NFKB1: variants seen among roughly 807,000 people sequenced by gnomAD.
NFKB1 encodes the protein nuclear factor NF-kappa-B p105 subunit.
In NFKB1, 9 loss-of-function variants were observed where a neutral mutation model predicts 105.1. That is an observed-to-expected ratio of 0.09 (90% CI 0.05 to 0.15). NFKB1 has a LOEUF of 0.15. NFKB1 is among the 10% of genes least tolerant of loss of function. The probability of loss-of-function intolerance (pLI) is 1.00; values close to 1 mark genes in which losing one functional copy is unlikely to be tolerated. For missense variants in NFKB1, 830 were observed against 1,203.7 expected (o/e 0.69, Z 4.59); for synonymous variants, 440 against 442.2 (o/e 1.00, Z 0.06).
At chr4:102,607,533 C>A in intron 18 of NFKB1, 116 bp from the exon 19 acceptor site, 3 of 1,222,912 alleles carry the variant, frequency 2.5e-6, no homozygotes, top group South Asian at 1.3e-5. Context: ...ACAGAGCCAG[C>A]CCAAAGTAGC....
intron 8 of NFKB1, 103 bp from the exon 9 acceptor site, chr4:102,580,432 C>T: frequency 1.2e-6 from 1 of 831,998 alleles, no homozygotes; most frequent in Non-Finnish European, 2.0e-6. Context: ...TGTATTTAAG[C>T]TTTGTTTTGG....
chr4:102,577,762 C>G (rs1256777489), intron 7 of NFKB1: 1 of 937,476 alleles, frequency 1.1e-6, no homozygotes, highest in African/African-American at 1.8e-5. Context: ...CCCTCCTCGC[C>G]TGTGCTGCGA....
chr4:102,521,110 GACAT>G (rs567607966), intron 1 of NFKB1, among the ~76,000 whole-genome samples: 121 of 152,186 alleles, frequency 8.0e-4, no homozygotes, highest in African/African-American at 2.8e-3. Context: ...GTTATCAAAG[GACAT>G]ACAGATTATT....
chr4:102,613,354 C>T (rs1728615426), intron 22 of NFKB1, 71 bp from the exon 23 acceptor site: 1 of 1,510,896 alleles, frequency 6.6e-7, no homozygotes, highest in South Asian at 1.2e-5. Context: ...GAAGGGTGGG[C>T]TGTCAGTGCT....
intron 5 of NFKB1, among the ~76,000 whole-genome samples, chr4:102,564,638 G>A (rs1723711740): frequency 1.3e-5 from 2 of 152,200 alleles, no homozygotes; most frequent in Non-Finnish European, 2.9e-5. Context: ...GTAGTAATAT[G>A]AAAAATACAT....
At chr4:102,526,042 G>A (rs575162782) in intron 2 of NFKB1, among the ~76,000 whole-genome samples, 2 of 152,148 alleles carry the variant, frequency 1.3e-5, no homozygotes, top group African/African-American at 2.4e-5. Context: ...TGTCACGTGC[G>A]CTTCTTCCCG....
intron 2 of NFKB1, among the ~76,000 whole-genome samples, chr4:102,526,263 A>G (rs144934039): frequency 6.6e-6 from 1 of 152,220 alleles, no homozygotes; most frequent in African/African-American, 2.4e-5. Flanking sequence ...TTAACCCACT[A>G]CAGCCCCTTG....
Position 102,599,883 on chromosome 4 carries a change from T to C in NFKB1, c.1638-1012T>C, listed in dbSNP as rs187111324. ...AAAATGATTGTTATTGTTATTGTTT[T>C]GAATTTTAATAGTATGTTTTTTAAT... is the stretch of plus-strand genomic sequence containing the variant. On this transcript the variant is annotated intron_variant, in intron 15 of 23. Transcript: ENST00000226574. Among the ~76,000 whole-genome samples, 49 of 152,382 alleles carry C rather than the reference T, an allele frequency of 3.2e-4. 1 individual carries two copies. The East Asian group carries it at 9.1e-3, about 28-fold the overall frequency.
chr4:102,514,172 C>T (rs898936268), intron 1 of NFKB1, among the ~76,000 whole-genome samples: 3 of 150,132 alleles, frequency 2.0e-5, no homozygotes, highest in Non-Finnish European at 4.4e-5. Flanking sequence ...GAGACTCCAT[C>T]TCAAAAAAAA....
chr4:102,613,555 C>T lies in NFKB1; in HGVS notation c.2723C>T (p.Ser908Leu), dbSNP rs369577304. Residue 908 changes from serine to leucine, a missense_variant, in exon 23 of 24, where the codon TCG becomes TTG. Transcript: ENST00000226574. ...TTSQAHSLPLSPASTRQQIDE... is the reference protein window; with the variant it reads ...TTSQAHSLPLLPASTRQQIDE... ...TCTCAGGCCCACTCGCTGCCTCTCT[C>T]GCCTGCCTCCACAAGGCAGCAAATA... 12 of 1,613,452 alleles carry T rather than the reference C, an allele frequency of 7.4e-6. No homozygotes were observed. The highest frequency in any genetic ancestry group is 3.3e-5 in the Admixed American group (2 of 59,974).
intron 5 of NFKB1, among the ~76,000 whole-genome samples, chr4:102,564,414 C>T (rs1418603481): frequency 6.6e-6 from 1 of 152,208 alleles, no homozygotes; most frequent in South Asian, 2.1e-4. Flanking sequence ...TCTCACACTT[C>T]AGCTTTCTTC....
chr4:102,525,260 CTG>C (rs4647983), intron 1 of NFKB1, among the ~76,000 whole-genome samples: 40,718 of 151,978 alleles, frequency 0.27, 6,755 homozygotes, highest in Admixed American at 0.41. Flanking sequence ...ACTCAGGACA[CTG>C]TGGCGAGCTT....
rs1247764712 is a variant in NFKB1, at chr4:102,535,888, G to GT, written c.160-1962dup. 8.2e-4 allele frequency among the ~76,000 whole-genome samples: 116 copies of GT among 141,376 alleles called. 1 individual carries two copies. The highest frequency in any genetic ancestry group is 8.1e-3 in the Middle Eastern group (2 of 248). The allele number at this position is 141,376 out of a possible 152,430, so 92.7% of individuals were successfully genotyped here. ...TGAATTGTGTGTGTGTGGTTTTGGG[G>GT]TTTTTTTTGTTTTTTTTTTTTAAGT... On this transcript the variant is annotated intron_variant, in intron 4 of 23. Coordinates refer to ENST00000226574, the MANE Select transcript of NFKB1 (RefSeq NM_003998.4).
At chr4:102,552,176 A>G (rs1029811040) in intron 5 of NFKB1, among the ~76,000 whole-genome samples, 3 of 152,186 alleles carry the variant, frequency 2.0e-5, no homozygotes, top group Non-Finnish European at 2.9e-5. Context: ...ATAGAAACCA[A>G]CTTGAGTGTC....
chr4:102,533,329 C>G (rs1741424614), intron 3 of NFKB1, among the ~76,000 whole-genome samples: 1 of 152,076 alleles, frequency 6.6e-6, no homozygotes, highest in South Asian at 2.1e-4. Context: ...AAGAGATAGC[C>G]TGAGATCATT....
At chr4:102,593,981 G>T (rs954513630) in intron 12 of NFKB1, among the ~76,000 whole-genome samples, 1 of 151,976 alleles carries the variant, frequency 6.6e-6, no homozygotes, top group Non-Finnish European at 1.5e-5. Context: ...CATAAAATCT[G>T]CCATCAAAGG....
At chr4:102,528,788 T>C (rs1181686158) in intron 2 of NFKB1, among the ~76,000 whole-genome samples, 1 of 152,212 alleles carries the variant, frequency 6.6e-6, no homozygotes, top group African/African-American at 2.4e-5. Context: ...TTCTTCAAAA[T>C]ATTCTGCATG....
intron 10 of NFKB1, among the ~76,000 whole-genome samples, chr4:102,583,325 C>G (rs1725461084): frequency 6.6e-6 from 1 of 152,100 alleles, no homozygotes; most frequent in African/African-American, 2.4e-5. Context: ...TAGTACTTAG[C>G]TTCCATCTAT....
At position 102,612,384 on chromosome 4, in the gene NFKB1, A is replaced by G. The variant is rs1248568531; in HGVS notation, c.2420-50A>G. 4.4e-6 allele frequency: 7 copies of G among 1,576,564 alleles called. No homozygotes were observed. In the East Asian group the frequency reaches 1.3e-4, roughly 30 times the overall value. ...AGGCAGCAATGATCAGTCCCTCCAGAGTGTCTATGGCATGTTAGAACAAGT... is the reference window on the plus strand; with the variant it reads ...AGGCAGCAATGATCAGTCCCTCCAGGGTGTCTATGGCATGTTAGAACAAGT... On this transcript the variant is annotated intron_variant, in intron 21 of 23. Coordinates refer to ENST00000226574, the MANE Select transcript of NFKB1 (RefSeq NM_003998.4).
Sources: allele counts gnomAD v4.1 joint callset (sites outside exome capture counted in the v4.1 genomes callset), GRCh38; gene constraint gnomAD v4.1.1; transcripts MANE v1.5; gene names NCBI Gene and HGNC (gene_info 2026-07-23, HGNC 2026-07-21).